The following ATAD3A variants were observed in gnomAD, a reference collection of about 807,000 sequenced individuals.
ATAD3A encodes the protein ATPase family AAA domain containing 3A.
ATAD3A carries 46 observed loss-of-function variants against 73.8 expected under a neutral mutation model. The ratio of observed to expected loss-of-function variants is 0.62; its 90% CI spans 0.49 to 0.80. The LOEUF is 0.80. Ranked by LOEUF, ATAD3A falls within the 30% of genes least tolerant of loss-of-function variation. The pLI, the probability that ATAD3A is intolerant of heterozygous loss-of-function variation, is 0.00. For missense variants in ATAD3A, 705 were observed against 838.0 expected (o/e 0.84, Z 1.96); for synonymous variants, 319 against 350.0 (o/e 0.91, Z 0.99).
rs1641956833 is a variant in ATAD3A, at chr1:1,529,318, C to T, written c.1601C>T (p.Ala534Val). The T allele has an allele frequency of 1.3e-6, 2 of 1,589,680 alleles. No homozygotes were observed. The highest frequency in any genetic ancestry group is 2.3e-5 in the East Asian group (1 of 44,020). ...TCGGGCCGGGAGATCGCTCAGCTGG[C>T]CGTGTCCTGGCAGGTGAGTCAGGCT... ...GMSGREIAQL[A>V]VSWQATAYAS... Residue 534 changes from alanine to valine, a missense_variant, in exon 15 of 16, where the codon GCC becomes GTC. Ala to Val is a moderately conservative substitution (Grantham distance 64, BLOSUM62 0). This residue lies in a region of ATAD3A where 252 missense variants were observed against 278.5 expected (regional missense o/e 0.90). Coordinates refer to ENST00000378756, the MANE Select transcript of ATAD3A (RefSeq NM_001170535.3).
Position 1,528,443 on chromosome 1 carries a change from T to A in ATAD3A, c.1505+581T>A, listed in dbSNP as rs187866114. ...CGGGACTGGAGGGAGAGGCTCCTCA[T>A]GGTCCACTGCTGGCTTCTGGCCTGG... On this transcript the variant is annotated intron_variant, in intron 14 of 15. Coordinates refer to ENST00000378756, the MANE Select transcript of ATAD3A (RefSeq NM_001170535.3). Among the ~76,000 whole-genome samples the A allele has an allele frequency of 9.3e-4, 141 of 152,276 alleles. 2 individuals are homozygous for A. In the East Asian group the frequency reaches 0.025, roughly 27 times the overall value.
rs374071750 is a variant in ATAD3A, at chr1:1,520,188, C to A, written c.562C>A (p.Arg188=). Residue 188 remains arginine (R), a synonymous_variant, in exon 6 of 16, where the codon CGA becomes AGA. Coordinates refer to ENST00000378756, the MANE Select transcript of ATAD3A (RefSeq NM_001170535.3). This position sits in a 1 kb window ranked among gnomAD's most constrained non-coding sequence, Gnocchi z 4.0. The part of the protein sequence containing the change: ...MELRHKNEML[R]VEAEARARAK... The stretch of plus-strand genomic sequence containing the variant: ...GCTGCGGCACAAGAATGAGATGCTG[C>A]GAGTGGAGGCCGAGGCCCGGGCGCG... The A allele has an allele frequency of 6.2e-7, 1 of 1,611,904 alleles. No homozygotes were observed. The highest frequency in any genetic ancestry group is 8.5e-7 in the Non-Finnish European group (1 of 1,179,610).
intron 4 of ATAD3A, among the ~76,000 whole-genome samples, chr1:1,518,110 C>T (rs1246696354): frequency 6.6e-6 from 1 of 150,730 alleles, no homozygotes; most frequent in African/African-American, 2.4e-5. Context: ...CACACAGACA[C>T]CCCCACACAG....
intron 15 of ATAD3A, among the ~76,000 whole-genome samples, chr1:1,532,081 T>G (rs1642051966): frequency 6.6e-6 from 1 of 152,360 alleles, no homozygotes; most frequent in South Asian, 2.1e-4. Context: ...TGAACATTTT[T>G]TATGTGGAAC....
intron 1 of ATAD3A, among the ~76,000 whole-genome samples, chr1:1,514,933 G>T (rs1415174912): frequency 6.6e-6 from 1 of 152,158 alleles, no homozygotes; most frequent in African/African-American, 2.4e-5. Flanking sequence ...GAGTGCAGTG[G>T]TGCAACCTCG....
chr1:1,530,067 G>A (rs752977480), intron 15 of ATAD3A, among the ~76,000 whole-genome samples: 7 of 152,214 alleles, frequency 4.6e-5, no homozygotes, highest in South Asian at 4.1e-4. Context: ...TGAAGCAGCC[G>A]AGTACCTTGA....
intron 4 of ATAD3A, among the ~76,000 whole-genome samples, chr1:1,518,365 CCA>C (rs1303261709): frequency 3.4e-5 from 5 of 145,684 alleles, no homozygotes; most frequent in Non-Finnish European, 6.0e-5. Context: ...ACACACAGCC[CCA>C]CACACACAGG....
chr1:1,515,435 G>T (rs540198231), intron 1 of ATAD3A, among the ~76,000 whole-genome samples: 1 of 152,136 alleles, frequency 6.6e-6, no homozygotes, highest in African/African-American at 2.4e-5. Flanking sequence ...AAAATTTTGA[G>T]ACCTGATGCT....
intron 13 of ATAD3A, chr1:1,527,030 C>G: frequency 2.0e-6 from 1 of 505,822 alleles, no homozygotes; most frequent in Non-Finnish European, 3.2e-6. Flanking sequence ...TTGGGGCCCA[C>G]CCGACTTTGT....
intron 11 of ATAD3A, among the ~76,000 whole-genome samples, chr1:1,524,998 G>A (rs1373524560): frequency 6.6e-6 from 1 of 152,220 alleles, no homozygotes; most frequent in Admixed American, 6.5e-5. Flanking sequence ...AGCCTGTGGG[G>A]CGGAGTTCGT....
intron 1 of ATAD3A, among the ~76,000 whole-genome samples, chr1:1,513,873 C>A (rs1641275303): frequency 2.0e-5 from 3 of 152,134 alleles, no homozygotes; most frequent in African/African-American, 7.2e-5. Context: ...GGCGGCTCCT[C>A]CTCACCGACT....
At chr1:1,525,641 C>G (rs997297112) in intron 12 of ATAD3A, among the ~76,000 whole-genome samples, 2 of 152,152 alleles carry the variant, frequency 1.3e-5, no homozygotes, top group Non-Finnish European at 2.9e-5. Flanking sequence ...GTCTCGATCT[C>G]CTGACCTCGT....
At chr1:1,521,278 C>T (rs1641586035) in intron 7 of ATAD3A, among the ~76,000 whole-genome samples, 1 of 114,790 alleles carries the variant, frequency 8.7e-6, no homozygotes, top group South Asian at 2.9e-4. Flanking sequence ...CAGCCTGGGC[C>T]ACATAGTGAG....
chr1:1,520,060 G>A lies in ATAD3A; in HGVS notation c.515-81G>A, dbSNP rs941282670. The A allele has an allele frequency of 1.3e-5, 20 of 1,538,650 alleles. No individual in the cohort carries two copies. Among genetic ancestry groups the A allele is most frequent in the Non-Finnish European group, 1.6e-5 (18 of 1,141,300 alleles). ...CTGTCCGTGGCGTGGGCCGGTCCGTGGCGTGGGCCGGTCCACAGTGTGGGT... is the reference window on the plus strand; with the variant it reads ...CTGTCCGTGGCGTGGGCCGGTCCGTAGCGTGGGCCGGTCCACAGTGTGGGT... On this transcript the variant is annotated intron_variant, in intron 5 of 15. Coordinates refer to ENST00000378756, the MANE Select transcript of ATAD3A (RefSeq NM_001170535.3). This position sits in a 1 kb window ranked among gnomAD's most constrained non-coding sequence, Gnocchi z 4.0.
intron 1 of ATAD3A, among the ~76,000 whole-genome samples, chr1:1,514,032 G>C (rs1641279769): frequency 1.3e-5 from 2 of 152,208 alleles, no homozygotes; most frequent in South Asian, 4.2e-4. Context: ...CTCCACAGAG[G>C]GGGTGCCTGG....
intron 15 of ATAD3A, among the ~76,000 whole-genome samples, chr1:1,532,344 G>A (rs901102812): frequency 6.6e-6 from 1 of 151,990 alleles, no homozygotes; most frequent in African/African-American, 2.4e-5. Context: ...CCAAGAGTTT[G>A]AGGAGTGATA....
At chr1:1,515,025 CA>C (rs1389416064) in intron 1 of ATAD3A, among the ~76,000 whole-genome samples, 2 of 152,152 alleles carry the variant, frequency 1.3e-5, no homozygotes, top group African/African-American at 4.8e-5. Flanking sequence ...AGGCGTGCAC[CA>C]CTGTGCCCTG....
At chr1:1,525,908 A>T (rs1641823250) in intron 12 of ATAD3A, among the ~76,000 whole-genome samples, 1 of 151,992 alleles carries the variant, frequency 6.6e-6, no homozygotes, top group Admixed American at 6.6e-5. Context: ...GAGTTTCCTC[A>T]CGTTGCCCAG....
chr1:1,530,288 AGCATTTGGGGAG>A (rs1403149104), intron 15 of ATAD3A, among the ~76,000 whole-genome samples: 1 of 151,984 alleles, frequency 6.6e-6, no homozygotes, highest in Non-Finnish European at 1.5e-5. Flanking sequence ...TTGTATTCCC[AGCATTTGGGGAG>A]GCCAAGTTAG....
Sources: gnomAD v4.1 joint callset for allele counts (sites outside exome capture counted in the v4.1 genomes callset) on GRCh38, gnomAD v4.1.1 for gene constraint, gnomAD v4.1.1 regional missense constraint, Gnocchi (gnomAD v3.1) non-coding constraint, MANE v1.5 for transcripts, NCBI Gene and HGNC (gene_info 2026-07-23, HGNC 2026-07-21) for gene names.